The following XRN2 variants were observed in gnomAD, a reference collection of about 807,000 sequenced individuals.
XRN2 encodes DHM1-like protein.
A neutral mutation model predicts 138.5 loss-of-function variants in XRN2; 44 were observed. The observed-to-expected ratio is 0.32, with a 90% CI of 0.25 to 0.41. The LOEUF is 0.41. XRN2 is among the 10% of genes least tolerant of loss of function. XRN2 has a pLI of 1.00. For missense variants in XRN2, 937 were observed against 1,169.3 expected (o/e 0.80, Z 2.90); for synonymous variants, 354 against 369.4 (o/e 0.96, Z 0.48).
intron 27 of XRN2, among the ~76,000 whole-genome samples, chr20:21,371,561 A>G (rs1793975924): frequency 6.6e-6 from 1 of 152,242 alleles, no homozygotes; most frequent in Non-Finnish European, 1.5e-5. Context: ...AAGTCATACC[A>G]TGTACAACAG....
At chr20:21,347,517 C>G (rs980814715) in intron 17 of XRN2, among the ~76,000 whole-genome samples, 5 of 152,192 alleles carry the variant, frequency 3.3e-5, no homozygotes, top group Non-Finnish European at 5.9e-5. Flanking sequence ...GTTAAGTACT[C>G]TGTTTGCGTT....
chr20:21,380,053 G>C (rs914977024), intron 27 of XRN2, among the ~76,000 whole-genome samples: 1 of 152,068 alleles, frequency 6.6e-6, no homozygotes, highest in Non-Finnish European at 1.5e-5. Context: ...TGTATCCTGC[G>C]ATTATACCAT....
intron 27 of XRN2, among the ~76,000 whole-genome samples, chr20:21,374,366 G>A (rs1369178573): frequency 6.6e-6 from 1 of 151,998 alleles, no homozygotes; most frequent in East Asian, 1.9e-4. Context: ...ATTAATAGAA[G>A]TGATGATGGT....
chr20:21,305,411 G>A (rs1488935011), intron 1 of XRN2, among the ~76,000 whole-genome samples: 2 of 151,842 alleles, frequency 1.3e-5, no homozygotes, highest in Non-Finnish European at 2.9e-5. Context: ...GGTGTGCGCC[G>A]CCACGCCCAG....
At chr20:21,360,930 A>AT (rs1031378751) in intron 24 of XRN2, among the ~76,000 whole-genome samples, 2 of 152,288 alleles carry the variant, frequency 1.3e-5, no homozygotes, top group Middle Eastern at 3.4e-3. Flanking sequence ...GAATCATGAG[A>AT]TTTTCCTGCA....
intron 3 of XRN2, among the ~76,000 whole-genome samples, chr20:21,326,939 A>G (rs2038137018): frequency 6.6e-6 from 1 of 152,222 alleles, no homozygotes; most frequent in Admixed American, 6.5e-5. Flanking sequence ...TTGAGGGAAG[A>G]GGAAGTCAGT....
In XRN2 at chr20:21,368,560, G is replaced by A. The variant is rs1333175117; in HGVS notation, c.2554G>A (p.Gly852Arg). Residue 852 changes from glycine to arginine, a missense_variant, in exon 27 of 30, where the codon GGA (glycine) becomes AGA (arginine). Gly to Arg is a moderately radical substitution (Grantham distance 125, BLOSUM62 -2). This residue lies in a region of XRN2 where 372 missense variants were observed against 414.4 expected (regional missense o/e 0.90). Transcript: ENST00000377191. ...QGNLYRPLLR[G>R]QAQIPKLMSN... Reference sequence around the variant, plus strand: ...AAACTTATACAGGCCGCTTTTGAGAGGACAAGCCCAGATTCCAAAACTTAT... The same window carrying A: ...AAACTTATACAGGCCGCTTTTGAGAAGACAAGCCCAGATTCCAAAACTTAT... 1.2e-6 allele frequency: 2 copies of A among 1,613,926 alleles called. No individual in the cohort carries two copies. The highest frequency in any genetic ancestry group is 1.7e-6 in the Non-Finnish European group (2 of 1,179,922).
At chr20:21,331,022 C>T (rs1192673732) in intron 6 of XRN2, among the ~76,000 whole-genome samples, 3 of 151,996 alleles carry the variant, frequency 2.0e-5, no homozygotes, top group African/African-American at 4.8e-5. Flanking sequence ...TATCAATATA[C>T]AGCAAAATTA....
intron 24 of XRN2, among the ~76,000 whole-genome samples, chr20:21,359,281 C>T (rs2038610329): frequency 6.6e-6 from 1 of 152,030 alleles, no homozygotes; most frequent in African/African-American, 2.4e-5. Context: ...CCTGTAATCC[C>T]AGCACTTTGG....
At position 21,332,783 on chromosome 20, in the gene XRN2, T is replaced by C. The variant is rs191423551; in HGVS notation, c.858+343T>C. ...CCTTTCTACTTAGCACTTTTTCTGA[T>C]ATTGCCTATATCTACACGAGGCTTA... On this transcript the variant is annotated intron_variant, in intron 9 of 29. Transcript: ENST00000377191. Among the ~76,000 whole-genome samples the C allele has an allele frequency of 2.2e-3, 333 of 151,880 alleles. 1 individual carries two copies. Among genetic ancestry groups the C allele is most frequent in the Middle Eastern group, 6.8e-3 (2 of 294 alleles).
chr20:21,353,238 A>C (rs1243906780), intron 20 of XRN2, among the ~76,000 whole-genome samples: 1 of 38,486 alleles, frequency 2.6e-5, no homozygotes, highest in South Asian at 1.7e-3. Context: ...ATATATATAT[A>C]TATATATATA....
chr20:21,355,852 GTTTC>G (rs1288030899), intron 21 of XRN2, among the ~76,000 whole-genome samples: 4 of 152,026 alleles, frequency 2.6e-5, no homozygotes, highest in African/African-American at 9.7e-5. Context: ...GAACATTACA[GTTTC>G]TTTCTTCTAT....
At chr20:21,310,702 G>A (rs1212240026) in intron 1 of XRN2, among the ~76,000 whole-genome samples, 1 of 151,252 alleles carries the variant, frequency 6.6e-6, no homozygotes, top group Non-Finnish European at 1.5e-5. Flanking sequence ...CGTTTTTGTA[G>A]GTAACATAAC....
chr20:21,322,968 T>C (rs1016658616), intron 1 of XRN2, among the ~76,000 whole-genome samples: 2 of 152,198 alleles, frequency 1.3e-5, no homozygotes, highest in African/African-American at 4.8e-5. Context: ...AACCTAAGCC[T>C]TCACATTCTC....
At chr20:21,330,758 G>A in intron 6 of XRN2, 53 bp downstream of exon 6, 1 of 1,494,882 alleles carries the variant, frequency 6.7e-7, no homozygotes, top group Admixed American at 1.7e-5. Flanking sequence ...ATTCGAGGCT[G>A]TACTTTGATA....
Position 21,330,144 on chromosome 20 carries a change from G to A in XRN2, c.428-337G>A, listed in dbSNP as rs1456744339. Among the ~76,000 whole-genome samples the A allele has an allele frequency of 5.9e-5, 9 of 152,120 alleles. No individual in the cohort carries two copies. In the East Asian group the frequency reaches 1.6e-3, roughly 26 times the overall value. On this transcript the variant is annotated intron_variant, in intron 4 of 29. Transcript: ENST00000377191. ...CTAAAAATACAAAAATTAGCCAGGC[G>A]TGGTGGCAGGCGCCTGTAATCCCAG...
chr20:21,355,164 A>G (rs531701646), intron 21 of XRN2, among the ~76,000 whole-genome samples: 1 of 152,338 alleles, frequency 6.6e-6, no homozygotes, highest in East Asian at 1.9e-4. Context: ...TGCACACACG[A>G]AAGTATCTTT....
Position 21,389,445 on chromosome 20 carries a change from G to T in XRN2, c.*107G>T. ...GTTTTTAATAAAACTACAGTACTTT[G>T]TGTATTTCTTTTAACTGTGTATATT... On this transcript the variant is annotated 3_prime_UTR_variant, in exon 30 of 30. Transcript: ENST00000377191. The T allele has an allele frequency of 2.0e-6, 2 of 1,021,870 alleles. No individual in the cohort carries two copies. Among genetic ancestry groups the T allele is most frequent in the South Asian group, 1.6e-5 (1 of 60,754 alleles). 63.3% of individuals were successfully genotyped at this position (1,021,870 alleles called of 1,614,324 possible). A position where few individuals can be genotyped will look rare whatever the true frequency, so the allele number is the denominator to read the frequency against.
chr20:21,377,264 C>CTTTTTTTCTTTT (rs2038833972), intron 27 of XRN2, among the ~76,000 whole-genome samples: 2 of 82,782 alleles, frequency 2.4e-5, no homozygotes, highest in African/African-American at 1.1e-4. Flanking sequence ...TCGGTTTTTT[C>CTTTTTTTCTTTT]TTTTTTTTTT....
Sources: allele counts gnomAD v4.1 joint callset (sites outside exome capture counted in the v4.1 genomes callset), GRCh38; gene constraint gnomAD v4.1.1; regional missense constraint gnomAD v4.1.1; transcripts MANE v1.5; gene names NCBI Gene and HGNC (gene_info 2026-07-23, HGNC 2026-07-21).